Variants in ENOX1 observed in about 807,000 individuals in gnomAD.
ENOX1 encodes ecto-NOX disulfide-thiol exchanger 1.
In ENOX1, 42 loss-of-function variants were observed where a neutral mutation model predicts 82.5. The observed-to-expected ratio is 0.51, with a 90% CI of 0.40 to 0.66. The LOEUF (loss-of-function observed/expected upper bound fraction) is 0.66, where lower values mean the gene tolerates loss of function less well. ENOX1 is among the 30% of genes least tolerant of loss of function. The pLI is 0.00. For missense variants in ENOX1, 608 were observed against 811.6 expected (o/e 0.75, Z 3.05); for synonymous variants, 271 against 282.2 (o/e 0.96, Z 0.40).
Position 43,538,400 on chromosome 13 carries a change from A to G in ENOX1, c.-218-54248T>C, listed in dbSNP as rs563115340. Among the ~76,000 whole-genome samples, 3 of 152,340 alleles carry G rather than the reference A, an allele frequency of 2.0e-5. No homozygotes were observed. The South Asian group carries it at 6.2e-4, about 32-fold the overall frequency. ...TATTGTAGACTTTGGGGTGGGTTAA[A>G]TAACATTCAGATTAGGAAAACTTCC... is the stretch of plus-strand genomic sequence containing the variant. On this transcript the variant is annotated intron_variant, in intron 2 of 16. Transcript: ENST00000690772.
At chr13:43,622,871 C>G (rs1336826937) in intron 2 of ENOX1, among the ~76,000 whole-genome samples, 1 of 151,926 alleles carries the variant, frequency 6.6e-6, no homozygotes, top group Non-Finnish European at 1.5e-5. Context: ...AGGGAAGGAC[C>G]ATTAGGTCGG....
At chr13:43,658,939 G>A (rs985189737) in intron 2 of ENOX1, among the ~76,000 whole-genome samples, 4 of 151,934 alleles carry the variant, frequency 2.6e-5, no homozygotes, top group Non-Finnish European at 4.4e-5. Flanking sequence ...GAGAAATTTT[G>A]GTGAATTATT....
chr13:43,743,266 A>T (rs996509538), intron 1 of ENOX1, among the ~76,000 whole-genome samples: 4 of 152,224 alleles, frequency 2.6e-5, no homozygotes, highest in Non-Finnish European at 5.9e-5. Flanking sequence ...TCTTAGAGAC[A>T]TCATGACTAA....
At chr13:43,730,846 C>T (rs181930414) in intron 1 of ENOX1, among the ~76,000 whole-genome samples, 2 of 152,274 alleles carry the variant, frequency 1.3e-5, no homozygotes, top group East Asian at 1.9e-4. Flanking sequence ...ACCCTCATTC[C>T]GCAGGACTCA....
intron 11 of ENOX1, among the ~76,000 whole-genome samples, chr13:43,306,848 G>A (rs962244398): frequency 2.8e-5 from 4 of 144,098 alleles, no homozygotes; most frequent in African/African-American, 1.0e-4. Context: ...CACACACACA[G>A]TTATATTAGT....
intron 3 of ENOX1, among the ~76,000 whole-genome samples, chr13:43,454,710 A>T (rs969629417): frequency 2.0e-5 from 3 of 152,140 alleles, no homozygotes; most frequent in Admixed American, 6.5e-5. Flanking sequence ...GTAGTAAAAG[A>T]GTATGCGTTC....
At chr13:43,426,673 T>C (rs528086604) in intron 3 of ENOX1, among the ~76,000 whole-genome samples, 22 of 152,312 alleles carry the variant, frequency 1.4e-4, no homozygotes, top group Admixed American at 1.1e-3. Context: ...TGAGGGCATT[T>C]GAGAACTGCA....
chr13:43,362,402 G>A (rs772284754), intron 5 of ENOX1, among the ~76,000 whole-genome samples: 3 of 152,092 alleles, frequency 2.0e-5, no homozygotes, highest in Non-Finnish European at 4.4e-5. Context: ...CATGGGTGGC[G>A]TGAAAATGTT....
intron 5 of ENOX1, among the ~76,000 whole-genome samples, chr13:43,396,430 A>C (rs2053154398): frequency 6.6e-6 from 1 of 152,160 alleles, no homozygotes; most frequent in Admixed American, 6.5e-5. Context: ...CCCAGGCTGG[A>C]GGGCAGTGGC....
intron 1 of ENOX1, 74 bp from the exon 2 acceptor site, chr13:43,667,618 G>C (rs1181251441): frequency 2.4e-6 from 1 of 423,244 alleles, no homozygotes; most frequent in Non-Finnish European, 3.2e-6. Context: ...ACATATATAT[G>C]TAAGCAGATG....
chr13:43,402,315 G>A (rs2053545216), intron 5 of ENOX1, among the ~76,000 whole-genome samples: 1 of 152,166 alleles, frequency 6.6e-6, no homozygotes. Context: ...ATATCTAACT[G>A]ATTGAAGACA....
intron 12 of ENOX1, among the ~76,000 whole-genome samples, chr13:43,270,744 G>T (rs1288490058): frequency 6.6e-6 from 1 of 152,192 alleles, no homozygotes; most frequent in African/African-American, 2.4e-5. Flanking sequence ...ATAAATGTAA[G>T]AACCTACTTT....
At chr13:43,364,706 A>G (rs1305065776) in intron 5 of ENOX1, among the ~76,000 whole-genome samples, 1 of 152,070 alleles carries the variant, frequency 6.6e-6, no homozygotes, top group East Asian at 1.9e-4. Context: ...TTAAAGATCC[A>G]TTCAGCATTT....
intron 1 of ENOX1, among the ~76,000 whole-genome samples, chr13:43,763,333 G>A (rs1951091081): frequency 1.3e-5 from 2 of 152,120 alleles, no homozygotes; most frequent in South Asian, 2.1e-4. Flanking sequence ...TGTTCGTACC[G>A]CATTTTCACA....
At chr13:43,723,929 A>T (rs529313089) in intron 1 of ENOX1, among the ~76,000 whole-genome samples, 1 of 152,334 alleles carries the variant, frequency 6.6e-6, no homozygotes, top group East Asian at 1.9e-4. Context: ...GAAAACAGTT[A>T]TTCTGGGATA....
At chr13:43,757,909 A>G (rs2153834262) in intron 1 of ENOX1, among the ~76,000 whole-genome samples, 1 of 152,258 alleles carries the variant, frequency 6.6e-6, no homozygotes, top group South Asian at 2.1e-4. Flanking sequence ...CACAGTAGTC[A>G]AAAACTGGAA....
intron 1 of ENOX1, among the ~76,000 whole-genome samples, chr13:43,676,072 T>C (rs2085494075): frequency 6.6e-6 from 1 of 152,162 alleles, no homozygotes; most frequent in Non-Finnish European, 1.5e-5. Context: ...CAAATCCTTC[T>C]GAGGGCTGCA....
At chr13:43,329,779 C>G (rs1439927310) in intron 9 of ENOX1, among the ~76,000 whole-genome samples, 1 of 152,060 alleles carries the variant, frequency 6.6e-6, no homozygotes, top group Non-Finnish European at 1.5e-5. Context: ...AACTGTGTAA[C>G]TCAGGTTTGG....
chr13:43,740,827 C>T (rs987303321), intron 1 of ENOX1, among the ~76,000 whole-genome samples: 1 of 152,166 alleles, frequency 6.6e-6, no homozygotes, highest in East Asian at 1.9e-4. Context: ...TACTTCATTT[C>T]TTTTTATCGA....
Sources: allele counts gnomAD v4.1 joint callset (sites outside exome capture counted in the v4.1 genomes callset), GRCh38; gene constraint gnomAD v4.1.1; transcripts MANE v1.5; gene names NCBI Gene and HGNC (gene_info 2026-07-23, HGNC 2026-07-21).